The following MTHFD2L variants were observed in gnomAD, a reference collection of about 807,000 sequenced individuals.
The protein encoded by MTHFD2L is methylenetetrahydrofolate dehydrogenase (NADP+ dependent) 2 like.
In MTHFD2L, 29 loss-of-function variants were observed where a neutral mutation model predicts 34.9. That is an observed-to-expected ratio of 0.83 (90% CI 0.62 to 1.13). The LOEUF (loss-of-function observed/expected upper bound fraction) is 1.13. Among genes scored for constraint, MTHFD2L ranks in the 50% most tolerant of loss-of-function variants. MTHFD2L has a pLI of 0.00. For synonymous variants in MTHFD2L, 167 were observed against 155.7 expected (o/e 1.07, Z -0.54); for missense variants, 481 against 446.5 (o/e 1.08, Z -0.70).
At chr4:74,174,429 T>G in intron 1 of MTHFD2L, 77 bp from the exon 2 acceptor site, 636 of 1,142,596 alleles carry the variant, frequency 5.6e-4, no homozygotes, top group Non-Finnish European at 6.5e-4. Flanking sequence ...GTGGTTTTAT[T>G]GAGTTTTGTA....
intron 6 of MTHFD2L, among the ~76,000 whole-genome samples, chr4:74,235,511 G>A (rs961895899): frequency 1.3e-5 from 2 of 152,234 alleles, no homozygotes; most frequent in East Asian, 1.9e-4. Context: ...CCAGGAGAGG[G>A]TTGAGATATG....
At chr4:74,251,739 A>G (rs1051861385) in intron 6 of MTHFD2L, among the ~76,000 whole-genome samples, 2 of 152,196 alleles carry the variant, frequency 1.3e-5, no homozygotes, top group Non-Finnish European at 2.9e-5. Context: ...ATAGTGCCAT[A>G]TTCTATTATA....
intron 6 of MTHFD2L, among the ~76,000 whole-genome samples, chr4:74,240,550 G>A (rs1418606797): frequency 6.6e-6 from 1 of 151,920 alleles, no homozygotes; most frequent in Admixed American, 6.6e-5. Flanking sequence ...ATTTGTATTC[G>A]ATTATATTCA....
At chr4:74,267,624 AAGGTTTCCCT>A (rs1270449790) in intron 6 of MTHFD2L, 1 of 563,822 alleles carries the variant, frequency 1.8e-6, no homozygotes, top group Admixed American at 6.4e-5. Context: ...TTGTAGTGAC[AAGGTTTCCCT>A]ATGTTGCCCA....
intron 3 of MTHFD2L, among the ~76,000 whole-genome samples, chr4:74,193,289 C>G (rs1296242525): frequency 6.6e-6 from 1 of 152,122 alleles, no homozygotes; most frequent in African/African-American, 2.4e-5. Context: ...AAGCTGGGCT[C>G]TCTTTTCTTG....
intron 5 of MTHFD2L, among the ~76,000 whole-genome samples, chr4:74,214,497 G>A (rs539374063): frequency 1.3e-5 from 2 of 151,718 alleles, no homozygotes; most frequent in Non-Finnish European, 2.9e-5. Flanking sequence ...TTTGCTGGAG[G>A]TCCACTCCAA....
intron 1 of MTHFD2L, among the ~76,000 whole-genome samples, chr4:74,137,177 A>T (rs1466565608): frequency 6.6e-6 from 1 of 152,218 alleles, no homozygotes; most frequent in African/African-American, 2.4e-5. Flanking sequence ...GAGTGAAGAA[A>T]CAACCCAGAA....
intron 1 of MTHFD2L, among the ~76,000 whole-genome samples, chr4:74,167,762 C>T (rs528786505): frequency 1.3e-5 from 2 of 152,250 alleles, no homozygotes; most frequent in South Asian, 2.1e-4. Flanking sequence ...GTGTAGTGCG[C>T]GACTCACTAA....
In MTHFD2L at chr4:74,199,773, C is replaced by G. The variant is rs139091207; in HGVS notation, c.452-21C>G. The stretch of plus-strand genomic sequence containing the variant: ...AATAAATAACAATTTTAAAATTAGA[C>G]AAATTTTATTTATTTTTCAGACCAC... On this transcript the variant is annotated intron_variant, in intron 3 of 7. Coordinates refer to ENST00000325278, the MANE Select transcript of MTHFD2L (RefSeq NM_001144978.3). The G allele has an allele frequency of 2.4e-5, 38 of 1,572,960 alleles. No homozygotes were observed. In the African/African-American group the frequency reaches 4.9e-4, roughly 20 times the overall value.
intron 7 of MTHFD2L, among the ~76,000 whole-genome samples, chr4:74,299,895 A>G (rs972518917): frequency 1.3e-5 from 2 of 152,172 alleles, no homozygotes; most frequent in Middle Eastern, 3.4e-3. Context: ...GGGGCTTTCA[A>G]TTCAACACTG....
intron 6 of MTHFD2L, among the ~76,000 whole-genome samples, chr4:74,245,703 C>T (rs961503497): frequency 2.6e-5 from 4 of 152,064 alleles, no homozygotes; most frequent in Non-Finnish European, 5.9e-5. Flanking sequence ...GTTCAGTTCC[C>T]ATCTATGAGT....
upstream of MTHFD2L, chr4:74,156,768 T>C (rs549316447): frequency 1.3e-5 from 2 of 152,340 alleles, no homozygotes; most frequent in South Asian, 2.1e-4. Flanking sequence ...TGTAGTGGTA[T>C]CTCACTGTTG....
intron 7 of MTHFD2L, among the ~76,000 whole-genome samples, chr4:74,291,938 A>G (rs1352256686): frequency 1.3e-5 from 2 of 152,238 alleles, no homozygotes; most frequent in African/African-American, 4.8e-5. Flanking sequence ...AGATAATTAT[A>G]AAGTAGTTCA....
At chr4:74,254,969 T>C (rs1320500632) in intron 6 of MTHFD2L, among the ~76,000 whole-genome samples, 3 of 151,822 alleles carry the variant, frequency 2.0e-5, no homozygotes, top group Non-Finnish European at 2.9e-5. Context: ...ACCCCATCTC[T>C]ACTAAGAATA....
chr4:74,197,778 T>G (rs1436614047), intron 3 of MTHFD2L, among the ~76,000 whole-genome samples: 5 of 152,168 alleles, frequency 3.3e-5, no homozygotes, highest in Admixed American at 2.0e-4. Context: ...AGGAAATTGA[T>G]GTAAAGGTAA....
chr4:74,282,465 T>G (rs1022300929), intron 7 of MTHFD2L, among the ~76,000 whole-genome samples: 6 of 152,070 alleles, frequency 3.9e-5, no homozygotes, highest in African/African-American at 1.4e-4. Context: ...TAATTTAGAT[T>G]TTGTTTTTTC....
At chr4:74,170,259 G>T (rs1431561666) in intron 1 of MTHFD2L, among the ~76,000 whole-genome samples, 1 of 152,158 alleles carries the variant, frequency 6.6e-6, no homozygotes, top group Non-Finnish European at 1.5e-5. Context: ...TGATAGTCTG[G>T]AAAGGATAGA....
At chr4:74,301,189 G>A (rs1750269274) in intron 7 of MTHFD2L, among the ~76,000 whole-genome samples, 1 of 152,092 alleles carries the variant, frequency 6.6e-6, no homozygotes, top group Admixed American at 6.6e-5. Context: ...ACAGGACTAT[G>A]TATGTGTTCA....
intron 7 of MTHFD2L, among the ~76,000 whole-genome samples, chr4:74,299,761 A>C (rs1408032356): frequency 6.6e-6 from 1 of 152,062 alleles, no homozygotes. Flanking sequence ...GATTAAAAAC[A>C]ACCACCACAA....
Sources: gnomAD v4.1 joint callset for allele counts (sites outside exome capture counted in the v4.1 genomes callset) on GRCh38, gnomAD v4.1.1 for gene constraint, MANE v1.5 for transcripts, NCBI Gene and HGNC (gene_info 2026-07-23, HGNC 2026-07-21) for gene names.